CSMD1: variants seen among roughly 807,000 people sequenced by gnomAD.
CSMD1 encodes the protein CUB and Sushi multiple domains 1, also known as CUB and sushi domain-containing protein 1.
Under a neutral mutation model 417.5 loss-of-function variants are expected in CSMD1, and 213 were observed. The ratio of observed to expected loss-of-function variants is 0.51; its 90% confidence interval spans 0.46 to 0.57. CSMD1 has a LOEUF of 0.57. CSMD1 is among the 20% of genes least tolerant of loss of function. The pLI, the probability that CSMD1 is intolerant of heterozygous loss-of-function variation, is 0.00. For synonymous variants in CSMD1, 2,862 were observed against 1,736.8 expected (o/e 1.65, Z -16.11); for missense variants, 6,923 against 4,529.7 (o/e 1.53, Z -15.17).
intron 23 of CSMD1, among the ~76,000 whole-genome samples, chr8:3,329,845 G>A (rs935603833): frequency 4.6e-5 from 7 of 152,130 alleles, no homozygotes; most frequent in African/African-American, 1.7e-4. Context: ...AGGGGCACAG[G>A]GCACAGTGCC....
At chr8:4,733,592 A>G (rs1810038820) in intron 1 of CSMD1, among the ~76,000 whole-genome samples, 1 of 152,204 alleles carries the variant, frequency 6.6e-6, no homozygotes, top group South Asian at 2.1e-4. Flanking sequence ...AATAACTTAC[A>G]TGTTTCAACA....
chr8:4,031,981 T>G lies in CSMD1; in HGVS notation c.534A>C (p.Glu178Asp), dbSNP rs778473611. 8.7e-5 allele frequency: 141 copies of G among 1,613,864 alleles called. No individual in the cohort carries two copies. The highest frequency in any genetic ancestry group is 1.1e-4 in the Non-Finnish European group (126 of 1,179,900). Residue 178 changes from glutamate to aspartate, a missense_variant, in exon 4 of 70, where the codon GAA becomes GAC. Physicochemically the swap from Glu to Asp is conservative, Grantham distance 45. Transcript: ENST00000635120. Reference protein sequence around the residue: ...RYSCLPGYILEGHAILTCIVS... With the variant: ...RYSCLPGYILDGHAILTCIVS... ...CGATGCAGGTCAGGATGGCGTGGCC[T>G]TCCAAGATGTAGCCAGGGAGGCAGC...
At chr8:4,087,956 T>G (rs1268281573) in intron 3 of CSMD1, among the ~76,000 whole-genome samples, 1 of 152,092 alleles carries the variant, frequency 6.6e-6, no homozygotes, top group Non-Finnish European at 1.5e-5. Context: ...CTAAGAACGG[T>G]GGTATCCAAG....
At chr8:4,133,884 T>C (rs1464988175) in intron 3 of CSMD1, among the ~76,000 whole-genome samples, 1 of 152,208 alleles carries the variant, frequency 6.6e-6, no homozygotes, top group East Asian at 1.9e-4. Flanking sequence ...AAATTTTTTA[T>C]AAGAAATCTT....
intron 3 of CSMD1, among the ~76,000 whole-genome samples, chr8:4,361,382 C>T (rs1194832789): frequency 7.8e-6 from 1 of 127,950 alleles, no homozygotes; most frequent in Non-Finnish European, 1.6e-5. Context: ...AATGTAGCCT[C>T]ATGAAGGGCT....
At chr8:4,680,728 G>A (rs1165207695) in intron 1 of CSMD1, among the ~76,000 whole-genome samples, 1 of 151,862 alleles carries the variant, frequency 6.6e-6, no homozygotes, top group Non-Finnish European at 1.5e-5. Context: ...TACAGGTGAG[G>A]CCCACCACAC....
Position 3,110,304 on chromosome 8 carries a change from G to A in CSMD1, c.6462C>T (p.Asn2154=), listed in dbSNP as rs766264947. 30 of 1,612,350 alleles carry A rather than the reference G, an allele frequency of 1.9e-5. No individual in the cohort carries two copies. Among genetic ancestry groups the A allele is most frequent in the Middle Eastern group, 1.7e-4 (1 of 6,056 alleles). ...APCGYNVTSQ[N]GTIYSPGFPD... ...GAAAGCCAGGGGAGTAGATGGTGCC[G>A]TTCTGAGAAGTTACGTTGTACCCAC... The change falls in exon 43 of 70, where the codon AAC becomes AAT. Residue 2154 remains asparagine (N), a synonymous_variant. Transcript: ENST00000635120.
chr8:3,746,767 G>C (rs963572532), intron 6 of CSMD1, among the ~76,000 whole-genome samples: 1 of 152,130 alleles, frequency 6.6e-6, no homozygotes, highest in Non-Finnish European at 1.5e-5. Context: ...TGTTCAGAAT[G>C]AACTTTTACA....
chr8:3,220,967 T>C (rs1314774242), intron 28 of CSMD1, among the ~76,000 whole-genome samples: 1 of 152,194 alleles, frequency 6.6e-6, no homozygotes, highest in Admixed American at 6.5e-5. Context: ...TCCTACTCCC[T>C]TTCCTTTCCA....
chr8:4,641,704 G>T (rs573182760), intron 1 of CSMD1, among the ~76,000 whole-genome samples: 4 of 152,152 alleles, frequency 2.6e-5, no homozygotes, highest in Non-Finnish European at 5.9e-5. Context: ...CAGACCTCAT[G>T]TATGGTGATC....
At chr8:4,498,139 A>T (rs1319450246) in intron 2 of CSMD1, among the ~76,000 whole-genome samples, 1 of 152,170 alleles carries the variant, frequency 6.6e-6, no homozygotes, top group Non-Finnish European at 1.5e-5. Flanking sequence ...GACTTAAAGT[A>T]ACCTAATCGG....
intron 1 of CSMD1, among the ~76,000 whole-genome samples, chr8:4,719,433 A>C (rs985017192): frequency 1.7e-4 from 26 of 152,214 alleles, no homozygotes; most frequent in Non-Finnish European, 2.6e-4. Flanking sequence ...CATCATTATA[A>C]GTCTCAGGCA....
intron 3 of CSMD1, among the ~76,000 whole-genome samples, chr8:4,093,475 G>C (rs1045517155): frequency 1.3e-5 from 2 of 152,156 alleles, no homozygotes; most frequent in African/African-American, 2.4e-5. Flanking sequence ...ATATTAAATA[G>C]AAGTTACATA....
intron 3 of CSMD1, among the ~76,000 whole-genome samples, chr8:4,176,734 G>T (rs949874005): frequency 6.7e-6 from 1 of 149,944 alleles, no homozygotes; most frequent in African/African-American, 2.5e-5. Context: ...GATGGAGGAA[G>T]ATCTACCAAG....
intron 2 of CSMD1, among the ~76,000 whole-genome samples, chr8:4,556,783 A>C (rs1234440080): frequency 6.6e-6 from 1 of 152,160 alleles, no homozygotes; most frequent in South Asian, 2.1e-4. Flanking sequence ...AAAACACCCA[A>C]ACTTTCTGAG....
In CSMD1 at chr8:4,023,978, T is replaced by C. The variant is rs187063074; in HGVS notation, c.610+7927A>G. Among the ~76,000 whole-genome samples, 841 of 152,072 alleles carry C rather than the reference T, an allele frequency of 5.5e-3. 7 individuals are homozygous for C. Among genetic ancestry groups the C allele is most frequent in the African/African-American group, 0.02 (827 of 41,510 alleles). On this transcript the variant is annotated intron_variant, in intron 4 of 69. Coordinates refer to ENST00000635120, the MANE Select transcript of CSMD1 (RefSeq NM_033225.6). ...ATTAAGAGCGACTTCATTATTATTATTTAATTAAATATAAAGGCTGACATA... is the reference window on the plus strand; with the variant it reads ...ATTAAGAGCGACTTCATTATTATTACTTAATTAAATATAAAGGCTGACATA...
intron 6 of CSMD1, among the ~76,000 whole-genome samples, chr8:3,750,169 C>G (rs547133214): frequency 6.6e-6 from 1 of 152,040 alleles, no homozygotes; most frequent in Admixed American, 6.6e-5. Flanking sequence ...AATCTGCAAT[C>G]GTATCAATCC....
intron 2 of CSMD1, among the ~76,000 whole-genome samples, chr8:4,585,994 A>C (rs1799679677): frequency 1.3e-5 from 2 of 152,204 alleles, no homozygotes; most frequent in South Asian, 4.1e-4. Flanking sequence ...TCAAACTTTT[A>C]ATGACTATTT....
intron 2 of CSMD1, among the ~76,000 whole-genome samples, chr8:4,465,771 C>G (rs922685725): frequency 8.5e-5 from 13 of 152,140 alleles, no homozygotes; most frequent in Admixed American, 6.5e-4. Flanking sequence ...ATTTTCTCAC[C>G]TCTGAGAATG....
Sources: allele counts gnomAD v4.1 joint callset (sites outside exome capture counted in the v4.1 genomes callset), GRCh38; gene constraint gnomAD v4.1.1; transcripts MANE v1.5; gene names NCBI Gene and HGNC (gene_info 2026-07-23, HGNC 2026-07-21).